QSER1: variants seen among roughly 807,000 people sequenced by gnomAD.
QSER1 encodes the protein glutamine and serine rich 1.
A neutral mutation model predicts 158.5 loss-of-function variants in QSER1; 49 were observed. The ratio of observed to expected loss-of-function variants is 0.31; its 90% confidence interval spans 0.25 to 0.39. QSER1 has a LOEUF of 0.39. Among genes scored for constraint, QSER1 ranks in the 10% least tolerant of loss-of-function variants. QSER1 has a pLI of 1.00. For synonymous variants in QSER1, 650 were observed against 715.5 expected (o/e 0.91, Z 1.46); for missense variants, 1,754 against 2,010.3 (o/e 0.87, Z 2.44).
chr11:32,969,450 A>G (rs1852810613), intron 10 of QSER1, among the ~76,000 whole-genome samples: 1 of 152,120 alleles, frequency 6.6e-6, no homozygotes, highest in Non-Finnish European at 1.5e-5. Context: ...GCTTTTCCTT[A>G]GCACAGTTAT....
At chr11:32,897,996 T>G (rs1564923565) in intron 1 of QSER1, among the ~76,000 whole-genome samples, 1 of 152,234 alleles carries the variant, frequency 6.6e-6, no homozygotes, top group East Asian at 1.9e-4. Flanking sequence ...AAGCCACCAT[T>G]ATTTTTCACT....
chr11:32,896,175 TAAG>T (rs1247745060), intron 1 of QSER1, among the ~76,000 whole-genome samples: 3 of 152,108 alleles, frequency 2.0e-5, no homozygotes, highest in Non-Finnish European at 4.4e-5. Context: ...GCTTGGGAAA[TAAG>T]AAGGTCATCA....
intron 8 of QSER1, among the ~76,000 whole-genome samples, chr11:32,964,761 CACACACACACACACACACACAT>C (rs1564946544): frequency 2.1e-5 from 3 of 141,124 alleles, no homozygotes; most frequent in Non-Finnish European, 4.5e-5. Flanking sequence ...CACACACACA[CACACACACACACACACACACAT>C]ACACACACAT....
Position 32,933,745 on chromosome 11 carries a change from T to C in QSER1, c.2487T>C (p.Asn829=), listed in dbSNP as rs1852092568. The change falls in exon 4 of 13, where the codon AAT becomes AAC. Residue 829 remains asparagine (N), a synonymous_variant. Transcript: ENST00000650167. ...AGGAACAGCACGATCAAATAATTAA[T>C]GCTTCATCTCAGATTCAAATTCCAA... ...KVQEQHDQII[N]ASSQIQIPNH... is the part of the protein sequence containing the mutation. The C allele has an allele frequency of 1.2e-6, 2 of 1,613,916 alleles. No homozygotes were observed. Among genetic ancestry groups the C allele is most frequent in the African/African-American group, 1.3e-5 (1 of 74,946 alleles).
At chr11:32,898,635 G>A (rs1851587494) in intron 1 of QSER1, among the ~76,000 whole-genome samples, 1 of 152,068 alleles carries the variant, frequency 6.6e-6, no homozygotes, top group South Asian at 2.1e-4. Flanking sequence ...TGCCTAGGGT[G>A]GAGTACAGTG....
At chr11:32,916,149 C>T (rs1358372705) in intron 1 of QSER1, among the ~76,000 whole-genome samples, 1 of 152,188 alleles carries the variant, frequency 6.6e-6, no homozygotes, top group Non-Finnish European at 1.5e-5. Flanking sequence ...GATCCGCCTG[C>T]CTCGGCCTCC....
chr11:32,919,548 C>T (rs535059143), intron 1 of QSER1, among the ~76,000 whole-genome samples: 1 of 152,308 alleles, frequency 6.6e-6, no homozygotes, highest in South Asian at 2.1e-4. Context: ...GTCAGTGGTA[C>T]ATACTATCAA....
chr11:32,903,462 G>A (rs994815747), intron 1 of QSER1, among the ~76,000 whole-genome samples: 4 of 150,714 alleles, frequency 2.7e-5, no homozygotes, highest in Admixed American at 6.7e-5. Flanking sequence ...GGATGGAGGA[G>A]GCGTTGCAGA....
At chr11:32,963,651 T>G (rs1463013610) in intron 8 of QSER1, among the ~76,000 whole-genome samples, 1 of 150,966 alleles carries the variant, frequency 6.6e-6, no homozygotes, top group African/African-American at 2.4e-5. Flanking sequence ...GCATCCAGCC[T>G]TGCCCAGGCT....
intron 7 of QSER1, among the ~76,000 whole-genome samples, chr11:32,956,868 G>A (rs1408385823): frequency 6.6e-6 from 1 of 152,162 alleles, no homozygotes; most frequent in Non-Finnish European, 1.5e-5. Flanking sequence ...CGACCTCCCA[G>A]GCTCAGGTGA....
chr11:32,943,029 CTGTT>C (rs1347522029), intron 4 of QSER1, among the ~76,000 whole-genome samples: 9 of 151,384 alleles, frequency 5.9e-5, no homozygotes, highest in South Asian at 2.1e-4. Flanking sequence ...ATTTGGCTCT[CTGTT>C]TGTCTGTTGT....
At chr11:32,920,074 T>C (rs1189848832) in intron 1 of QSER1, among the ~76,000 whole-genome samples, 1 of 152,150 alleles carries the variant, frequency 6.6e-6, no homozygotes, top group East Asian at 1.9e-4. Context: ...CCAAGGAGCC[T>C]TGGTTCCTTT....
Position 32,921,789 on chromosome 11 carries a change from C to T in QSER1, c.210-5368C>T, listed in dbSNP as rs527439085. 4.5e-3 allele frequency among the ~76,000 whole-genome samples: 692 copies of T among 152,182 alleles called. 1 individual carries two copies. The highest frequency in any genetic ancestry group is 7.8e-3 in the Non-Finnish European group (527 of 67,992). ...CAAATGTATGTGGAACTACCTAGCA[C>T]AGCAAAACAATTTTGGAAAAAGAAC... On this transcript the variant is annotated intron_variant, in intron 1 of 12. Coordinates refer to ENST00000650167, the MANE Select transcript of QSER1 (RefSeq NM_001076786.3).
rs1308324059 is a variant in QSER1, at chr11:32,957,949, C to G, written c.4832C>G (p.Ser1611Cys). 6.2e-7 allele frequency: 1 copy of G among 1,614,158 alleles called. No individual in the cohort carries two copies. ...ASKTTTTKAP[S>C]VKPKVKQPKV... Reference sequence around the variant, plus strand: ...AAAACTACAACTACAAAAGCCCCTTCCGTGAAACCCAAAGTTAAACAGCCA... The same window carrying G: ...AAAACTACAACTACAAAAGCCCCTTGCGTGAAACCCAAAGTTAAACAGCCA... Residue 1611 changes from serine (S) to cysteine (C), a missense_variant, in exon 8 of 13, where the codon TCC becomes TGC. Around this residue, in one of 2 missense-constraint regions of QSER1, gnomAD observed 1,707 missense variants for 1,919.6 expected, o/e 0.89. Transcript: ENST00000650167.
chr11:32,941,023 A>G (rs1852222462), intron 4 of QSER1, among the ~76,000 whole-genome samples: 1 of 151,608 alleles, frequency 6.6e-6, no homozygotes, highest in Non-Finnish European at 1.5e-5. Context: ...TTTTTTATCT[A>G]ATGAATGGCA....
At position 32,933,742 on chromosome 11, in the gene QSER1, T is replaced by G. The variant is rs769616027; in HGVS notation, c.2484T>G (p.Ile828Met). Residue 828 changes from isoleucine (I) to methionine (M), a missense_variant, in exon 4 of 13, where the codon ATT becomes ATG. Physicochemically the swap from Ile to Met is conservative, Grantham distance 10. Coordinates refer to ENST00000650167, the MANE Select transcript of QSER1 (RefSeq NM_001076786.3). ...SKVQEQHDQI[I>M]NASSQIQIPN... ...TCCAGGAACAGCACGATCAAATAAT[T>G]AATGCTTCATCTCAGATTCAAATTC... 1.2e-6 allele frequency: 2 copies of G among 1,613,896 alleles called. No homozygotes were observed. Among genetic ancestry groups the G allele is most frequent in the Admixed American group, 1.7e-5 (1 of 59,984 alleles).
intron 12 of QSER1, 122 bp from the exon 13 acceptor site, chr11:32,976,212 T>C (rs1852973946): frequency 2.3e-6 from 2 of 886,108 alleles, no homozygotes; most frequent in African/African-American, 3.6e-5. Context: ...CTCACCCAAA[T>C]TTAGCTGAAA....
intron 4 of QSER1, among the ~76,000 whole-genome samples, chr11:32,940,851 T>A (rs1852220175): frequency 6.6e-6 from 1 of 152,164 alleles, no homozygotes; most frequent in African/African-American, 2.4e-5. Flanking sequence ...TAAATGGTTC[T>A]TTTTAAAGAA....
chr11:32,966,210 C>T, intron 8 of QSER1, 90 bp from the exon 9 acceptor site: 1 of 1,353,892 alleles, frequency 7.4e-7, no homozygotes, highest in Non-Finnish European at 1.0e-6. Context: ...ATTGTATCTG[C>T]AATCTGCTTC....
Sources: allele counts gnomAD v4.1 joint callset (sites outside exome capture counted in the v4.1 genomes callset), GRCh38; gene constraint gnomAD v4.1.1; regional missense constraint gnomAD v4.1.1; transcripts MANE v1.5; gene names NCBI Gene and HGNC (gene_info 2026-07-23, HGNC 2026-07-21).